HERC1: variants seen among roughly 807,000 people sequenced by gnomAD.
The protein encoded by HERC1 is HECT and RLD domain containing E3 ubiquitin protein ligase family member 1.
In HERC1, 160 loss-of-function variants were observed where a neutral mutation model predicts 554.3. That is an observed-to-expected ratio of 0.29 (90% CI 0.25 to 0.33). The LOEUF (loss-of-function observed/expected upper bound fraction) is 0.33, where lower values mean the gene tolerates loss of function less well. Among genes scored for constraint, HERC1 ranks in the 10% least tolerant of loss-of-function variants. The pLI is 1.00. For missense variants in HERC1, 4,919 were observed against 5,918.5 expected (o/e 0.83, Z 5.54); for synonymous variants, 2,175 against 2,131.7 (o/e 1.02, Z -0.56).
At position 63,713,620 on chromosome 15, in the gene HERC1, C is replaced by T. The variant is rs780976346; in HGVS notation, c.4196G>A (p.Arg1399Gln). 9 of 1,612,906 alleles carry T rather than the reference C, an allele frequency of 5.6e-6. No individual in the cohort carries two copies. Among genetic ancestry groups the T allele is most frequent in the African/African-American group, 1.3e-5 (1 of 74,972 alleles). Reference sequence around the variant, plus strand: ...CCCACTGTTCATTCTATCTCGGTCTCGGCTACGAGCTACTTCACGGGCTGA... The same window carrying T: ...CCCACTGTTCATTCTATCTCGGTCTTGGCTACGAGCTACTTCACGGGCTGA... ...FLSAREVARS[R>Q]DRDRMNSGAG... Residue 1399 changes from arginine to glutamine, a missense_variant, in exon 23 of 78, where the codon CGA becomes CAA. Physicochemically the swap from Arg to Gln is conservative, Grantham distance 43. Around this residue, in one of 11 missense-constraint regions of HERC1, gnomAD observed 1,121 missense variants for 1,244.0 expected, o/e 0.90. Coordinates refer to ENST00000443617, the MANE Select transcript of HERC1 (RefSeq NM_003922.4).
At chr15:63,763,605 T>G (rs74019011) in intron 3 of HERC1, among the ~76,000 whole-genome samples, 1,879 of 151,730 alleles carry the variant, frequency 0.012, 35 homozygotes, top group African/African-American at 0.044. Flanking sequence ...TGGGCAAGAC[T>G]ATAGTGTCTA....
At chr15:63,717,755 C>G (rs2073624767) in intron 21 of HERC1, among the ~76,000 whole-genome samples, 1 of 152,074 alleles carries the variant, frequency 6.6e-6, no homozygotes, top group Non-Finnish European at 1.5e-5. Flanking sequence ...GCCTGTAATC[C>G]CAGCTACTCG....
At chr15:63,652,647 A>G in intron 51 of HERC1, 106 bp from the exon 52 acceptor site, 1 of 930,874 alleles carries the variant, frequency 1.1e-6, no homozygotes, top group Non-Finnish European at 1.6e-6. Context: ...ATTAAAAGAA[A>G]AGCATCCATT....
Position 63,689,584 on chromosome 15 carries a change from A to G in HERC1, c.6048+5T>C, listed in dbSNP as rs1472114773. The G allele has an allele frequency of 5.4e-6, 8 of 1,493,378 alleles. No individual in the cohort carries two copies. Among genetic ancestry groups the G allele is most frequent in the Admixed American group, 2.1e-5 (1 of 48,026 alleles). 92.5% of individuals were successfully genotyped at this position (1,493,378 alleles called of 1,614,324 possible). On this transcript the variant is annotated splice_donor_5th_base_variant and intron_variant, in intron 33 of 77. Coordinates refer to ENST00000443617, the MANE Select transcript of HERC1 (RefSeq NM_003922.4). ...AAGAAATACCTTTTAGGAAAAACCA[A>G]TTACCTGTAGTTTTATTTCTTGTTC...
At chr15:63,723,876 C>T (rs2073927835) in intron 18 of HERC1, among the ~76,000 whole-genome samples, 1 of 152,060 alleles carries the variant, frequency 6.6e-6, no homozygotes, top group South Asian at 2.1e-4. Context: ...ACAGGTGGTT[C>T]CTAACTTTTC....
At position 63,754,494 on chromosome 15, in the gene HERC1, T is replaced by G. The variant is rs2075356974; in HGVS notation, c.1774+11A>C. On this transcript the variant is annotated intron_variant, in intron 7 of 77. Coordinates refer to ENST00000443617, the MANE Select transcript of HERC1 (RefSeq NM_003922.4). Reference sequence around the variant, plus strand: ...AAAGCCAAAGCTACTGATAAATAATTTTTTACATACCATTGTCTCCTCCTC... The same window carrying G: ...AAAGCCAAAGCTACTGATAAATAATGTTTTACATACCATTGTCTCCTCCTC... 1.3e-6 allele frequency: 2 copies of G among 1,556,270 alleles called. No individual in the cohort carries two copies. Among genetic ancestry groups the G allele is most frequent in the African/African-American group, 2.8e-5 (2 of 72,634 alleles).
chr15:63,665,877 T>C, intron 42 of HERC1, 42 bp downstream of exon 42: 1 of 1,469,518 alleles, frequency 6.8e-7, no homozygotes, highest in Non-Finnish European at 9.4e-7. Context: ...GGCTTTGAAA[T>C]TTATAACACA....
intron 37 of HERC1, among the ~76,000 whole-genome samples, chr15:63,676,028 T>C (rs181825858): frequency 1.4e-3 from 208 of 151,954 alleles, no homozygotes; most frequent in Non-Finnish European, 8.5e-4. Flanking sequence ...CTTAGCTCCC[T>C]GAGTAGCTGG....
chr15:63,656,001 T>A (rs773811408), intron 49 of HERC1, 46 bp from the exon 50 acceptor site: 1 of 1,593,886 alleles, frequency 6.3e-7, no homozygotes, highest in Non-Finnish European at 8.6e-7. Context: ...ACATGTAATT[T>A]TGGAACAAAA....
chr15:63,609,654 C>A (rs988898028), intron 77 of HERC1, among the ~76,000 whole-genome samples: 6 of 152,112 alleles, frequency 3.9e-5, no homozygotes, highest in African/African-American at 1.4e-4. Flanking sequence ...TGCAGGGATG[C>A]CCCCACAGAG....
At chr15:63,709,241 C>T (rs1218207651) in intron 24 of HERC1, among the ~76,000 whole-genome samples, 2 of 151,590 alleles carry the variant, frequency 1.3e-5, no homozygotes, top group Admixed American at 6.6e-5. Flanking sequence ...AACTCCTGGG[C>T]TCAAGCAATC....
intron 39 of HERC1, among the ~76,000 whole-genome samples, chr15:63,671,997 T>C (rs529389544): frequency 4.9e-4 from 74 of 152,242 alleles, no homozygotes; most frequent in Admixed American, 1.8e-3. Context: ...ACAAACCTAT[T>C]AAAATAGAGT....
Position 63,749,668 on chromosome 15 carries a change from G to T in HERC1, c.2026C>A (p.His676Asn). 1 of 1,598,900 alleles carries T rather than the reference G, an allele frequency of 6.3e-7. No homozygotes were observed. The highest frequency in any genetic ancestry group is 8.5e-7 in the Non-Finnish European group (1 of 1,171,884). The change falls in exon 9 of 78, where the codon CAT becomes AAT. Residue 676 changes from histidine (H) to asparagine (N), a missense_variant. Physicochemically the swap from His to Asn is moderately conservative, Grantham distance 68 (BLOSUM62 1). Around this residue, in one of 11 missense-constraint regions of HERC1, gnomAD observed 744 missense variants for 1,090.0 expected, o/e 0.68. Transcript: ENST00000443617. The surrounding 1 kb of genome is among the most constrained non-coding windows in gnomAD (Gnocchi z 4.1). ...RIVDVSIGDSHCLALSHDNEV... is the reference protein window; with the variant it reads ...RIVDVSIGDSNCLALSHDNEV... Reference sequence around the variant, plus strand: ...TTACCATGAGAAAGAGCCAAACAATGACTGTCTCCAATAGAAACATCAACT... The same window carrying T: ...TTACCATGAGAAAGAGCCAAACAATTACTGTCTCCAATAGAAACATCAACT...
At position 63,756,447 on chromosome 15, in the gene HERC1, A is replaced by G; in HGVS notation, c.1523T>C (p.Leu508Pro). 1 of 1,611,668 alleles carries G rather than the reference A, an allele frequency of 6.2e-7. No homozygotes were observed. Among genetic ancestry groups the G allele is most frequent in the Non-Finnish European group, 8.5e-7 (1 of 1,178,728 alleles). The change falls in exon 5 of 78, where the codon CTA (leucine) becomes CCA (proline). Residue 508 changes from leucine (L) to proline (P), a missense_variant. Transcript: ENST00000443617. The surrounding 1 kb of genome is among the most constrained non-coding windows in gnomAD (Gnocchi z 5.0). ...QKYPKLIQGP[L>P]QGKVVVCVSA... ...AAAGAATGCACATACCTTTCCTTGT[A>G]GAGGTCCCTGAATAAGCTTGGGATA...
chr15:63,646,832 AAAC>A (rs2069374606), intron 55 of HERC1, among the ~76,000 whole-genome samples: 1 of 105,466 alleles, frequency 9.5e-6, no homozygotes, highest in Non-Finnish European at 2.2e-5. Context: ...AAACAAACAA[AAAC>A]AAAAACAAAA....
At chr15:63,715,797 T>G (rs1376086335) in intron 22 of HERC1, among the ~76,000 whole-genome samples, 1 of 152,192 alleles carries the variant, frequency 6.6e-6, no homozygotes, top group Non-Finnish European at 1.5e-5. Context: ...ATGAAAAGTT[T>G]TATGCACCCA....
chr15:63,708,661 A>C (rs998517693), intron 24 of HERC1, among the ~76,000 whole-genome samples: 1 of 152,252 alleles, frequency 6.6e-6, no homozygotes, highest in African/African-American at 2.4e-5. Flanking sequence ...AGAAGGTTAA[A>C]ACAAAGATTT....
rs1280746390 is a variant in HERC1 at position 63,669,682 on chromosome 15, A to G, written c.8062T>C (p.Tyr2688His). Residue 2688 changes from tyrosine to histidine, a missense_variant, in exon 40 of 78, where the codon TAC (tyrosine) becomes CAC (histidine). Physicochemically the swap from Tyr to His is moderately conservative, Grantham distance 83. Coordinates refer to ENST00000443617, the MANE Select transcript of HERC1 (RefSeq NM_003922.4). The stretch of plus-strand genomic sequence containing the variant: ...GTGGGAAGTACAGTGGTAGTTGGGT[A>G]ACTAGAGAACATTTGCCTTTAAGAA... ...LSLLRQMFSS[Y>H]PTTTVLPTRR... 6.2e-7 allele frequency: 1 copy of G among 1,613,706 alleles called. No individual in the cohort carries two copies. The highest frequency in any genetic ancestry group is 1.7e-5 in the Admixed American group (1 of 60,010).
chr15:63,642,091 T>C (rs1285312546), intron 59 of HERC1, among the ~76,000 whole-genome samples: 2 of 152,146 alleles, frequency 1.3e-5, no homozygotes, highest in East Asian at 1.9e-4. Flanking sequence ...GAACCTTTCA[T>C]GAAGGTTTAC....
Sources: gnomAD v4.1 joint callset for allele counts (sites outside exome capture counted in the v4.1 genomes callset) on GRCh38, gnomAD v4.1.1 for gene constraint, gnomAD v4.1.1 regional missense constraint, Gnocchi (gnomAD v3.1) non-coding constraint, MANE v1.5 for transcripts, NCBI Gene and HGNC (gene_info 2026-07-23, HGNC 2026-07-21) for gene names.